The following BRD10 variants were observed in gnomAD, a reference collection of about 807,000 sequenced individuals.
The protein encoded by BRD10 is bromodomain containing 10.
chr9:5,927,549 G>A, the BRD10 span, among the ~76,000 whole-genome samples: 1 of 151,992 alleles, frequency 6.6e-6, no homozygotes, highest in Non-Finnish European at 1.5e-5. Flanking sequence ...TAATTCTCCT[G>A]AATAGACTTC....
At chr9:5,916,517 ATATG>A in the BRD10 span, among the ~76,000 whole-genome samples, 2 of 140,200 alleles carry the variant, frequency 1.4e-5, no homozygotes, top group African/African-American at 2.7e-5. Flanking sequence ...GTATATATAC[ATATG>A]TGTGTATATA....
chr9:5,893,823 G>T, the BRD10 span, among the ~76,000 whole-genome samples: 1 of 152,010 alleles, frequency 6.6e-6, no homozygotes, highest in Non-Finnish European at 1.5e-5. Flanking sequence ...TCCACATCTT[G>T]CCAACAGAAA....
At chr9:5,884,039 C>T in the BRD10 span, among the ~76,000 whole-genome samples, 2 of 152,180 alleles carry the variant, frequency 1.3e-5, no homozygotes, top group African/African-American at 4.8e-5. Flanking sequence ...AATGCTGGAG[C>T]AAGCATTTAA....
chr9:5,946,625 T>C, the BRD10 span, among the ~76,000 whole-genome samples: 1 of 149,374 alleles, frequency 6.7e-6, no homozygotes, highest in African/African-American at 2.5e-5. Context: ...GCCCCAGAGC[T>C]TGCAGGTGGA....
At chr9:5,917,712 C>A in the BRD10 span, among the ~76,000 whole-genome samples, 1 of 152,086 alleles carries the variant, frequency 6.6e-6, no homozygotes, top group Non-Finnish European at 1.5e-5. Context: ...ATTATCTGGG[C>A]TATGGTGGTG....
the BRD10 span, among the ~76,000 whole-genome samples, chr9:5,943,261 TGCA>T: frequency 6.6e-6 from 1 of 152,174 alleles, no homozygotes; most frequent in Non-Finnish European, 1.5e-5. Flanking sequence ...CTAGAATGCT[TGCA>T]GAAGTCTTTT....
the BRD10 span, among the ~76,000 whole-genome samples, chr9:5,965,047 AAAGTAT>A: frequency 2.8e-5 from 3 of 107,208 alleles, no homozygotes; most frequent in East Asian, 2.3e-4. Context: ...CCTAAAACTT[AAAGTAT>A]AATAAAAAAA....
the BRD10 span, among the ~76,000 whole-genome samples, chr9:5,937,180 G>C: frequency 6.7e-6 from 1 of 148,664 alleles, no homozygotes; most frequent in East Asian, 2.0e-4. Flanking sequence ...AGTGAGCCGA[G>C]ATCATGCCAC....
At chr9:5,980,848 G>C in the BRD10 span, among the ~76,000 whole-genome samples, 1 of 152,070 alleles carries the variant, frequency 6.6e-6, no homozygotes, top group Non-Finnish European at 1.5e-5. Flanking sequence ...TCAAACTTCT[G>C]ATATAACAGG....
the BRD10 span, among the ~76,000 whole-genome samples, chr9:5,893,248 C>G: frequency 1.7e-3 from 255 of 152,274 alleles, 3 homozygotes; most frequent in African/African-American, 5.9e-3. Context: ...GGGACATACT[C>G]TGTATGTGCT....
At chr9:5,974,873 G>A in the BRD10 span, among the ~76,000 whole-genome samples, 1 of 152,198 alleles carries the variant, frequency 6.6e-6, no homozygotes, top group Non-Finnish European at 1.5e-5. Flanking sequence ...CTTGGTAGTA[G>A]AGAATAATTA....
At chr9:5,974,573 C>A in the BRD10 span, among the ~76,000 whole-genome samples, 1 of 152,032 alleles carries the variant, frequency 6.6e-6, no homozygotes, top group Non-Finnish European at 1.5e-5. Context: ...GAGTACCCAG[C>A]TAAGGCCCAG....
the BRD10 span, among the ~76,000 whole-genome samples, chr9:5,945,760 T>G: frequency 1.3e-5 from 2 of 152,028 alleles, no homozygotes; most frequent in African/African-American, 4.8e-5. Flanking sequence ...TTCAATATAC[T>G]TTTTTCCTAA....
the BRD10 span, among the ~76,000 whole-genome samples, chr9:5,916,491 G>A: frequency 1.3e-5 from 2 of 149,228 alleles, no homozygotes; most frequent in African/African-American, 4.9e-5. Context: ...ATGTATGTGT[G>A]TATATATATG....
chr9:5,920,508 G>C, the BRD10 span: 1 of 1,613,952 alleles, frequency 6.2e-7, no homozygotes. Flanking sequence ...TGCTGATTTG[G>C]CAGAGAAGCA....
At chr9:5,886,536 T>C in the BRD10 span, among the ~76,000 whole-genome samples, 2 of 152,194 alleles carry the variant, frequency 1.3e-5, no homozygotes, top group African/African-American at 4.8e-5. Flanking sequence ...TTTCAGAGGT[T>C]TGAGATTTGC....
chr9:5,949,836 G>T, the BRD10 span, among the ~76,000 whole-genome samples: 1 of 152,088 alleles, frequency 6.6e-6, no homozygotes, highest in Non-Finnish European at 1.5e-5. Context: ...TAAATGAAAA[G>T]ACTTTTTAGG....
the BRD10 span, chr9:5,892,461 C>T: frequency 6.2e-7 from 1 of 1,611,248 alleles, no homozygotes; most frequent in Non-Finnish European, 8.5e-7. Context: ...TGTCCTGTGC[C>T]CTGACCCTAC....
the BRD10 span, among the ~76,000 whole-genome samples, chr9:5,911,527 C>G: frequency 2.8e-5 from 4 of 141,572 alleles, no homozygotes; most frequent in Non-Finnish European, 6.2e-5. Context: ...GGTCCTTTTT[C>G]TTTTCTTTTC....
Sources: allele counts gnomAD v4.1 joint callset (sites outside exome capture counted in the v4.1 genomes callset), GRCh38; gene constraint gnomAD v4.1.1; transcripts MANE v1.5; gene names NCBI Gene and HGNC (gene_info 2026-07-23, HGNC 2026-07-21).